The following KCNH1 variants were observed in gnomAD, a reference collection of about 807,000 sequenced individuals.
The protein encoded by KCNH1 is potassium voltage-gated channel subfamily H member 1.
A neutral mutation model predicts 69.2 loss-of-function variants in KCNH1; 27 were observed. The ratio of observed to expected loss-of-function variants is 0.39; its 90% CI spans 0.29 to 0.54. The LOEUF (loss-of-function observed/expected upper bound fraction) is 0.54, where lower values mean the gene tolerates loss of function less well. Among genes scored for constraint, KCNH1 ranks in the 20% least tolerant of loss-of-function variants. The probability of loss-of-function intolerance (pLI) is 0.68; values close to 1 mark genes in which losing one functional copy is unlikely to be tolerated. For synonymous variants in KCNH1, 456 were observed against 487.7 expected, an observed-to-expected ratio of 0.93 and a Z score of 0.86; for missense variants, 798 against 1,261.6, an observed-to-expected ratio of 0.63 and a Z score of 5.57.
intron 10 of KCNH1, among the ~76,000 whole-genome samples, chr1:210,713,601 G>A (rs909410360): frequency 4.6e-5 from 7 of 152,136 alleles, no homozygotes; most frequent in Admixed American, 2.0e-4. Context: ...TTTGTATAGA[G>A]GTGTCAGGGG....
intron 6 of KCNH1, among the ~76,000 whole-genome samples, chr1:210,935,391 G>T (rs7529770): frequency 6.6e-6 from 1 of 151,830 alleles, no homozygotes; most frequent in Non-Finnish European, 1.5e-5. Flanking sequence ...GGGAGAGTTC[G>T]GTTATTGGAT....
chr1:211,116,585 C>T (rs12029450), intron 1 of KCNH1, among the ~76,000 whole-genome samples: 1 of 152,130 alleles, frequency 6.6e-6, no homozygotes, highest in East Asian at 1.9e-4. Flanking sequence ...TTTTCATCCC[C>T]ATCACTTTTA....
At chr1:211,022,479 T>C (rs1689604102) in intron 5 of KCNH1, among the ~76,000 whole-genome samples, 1 of 152,096 alleles carries the variant, frequency 6.6e-6, no homozygotes, top group Admixed American at 6.5e-5. Flanking sequence ...CAAATAGGAT[T>C]ATATCAAGCT....
intron 10 of KCNH1, among the ~76,000 whole-genome samples, chr1:210,736,546 C>G (rs527949259): frequency 2.0e-5 from 3 of 151,168 alleles, no homozygotes; most frequent in Admixed American, 2.0e-4. Context: ...TCCATCCCCC[C>G]TCCAAAAAAA....
intron 10 of KCNH1, among the ~76,000 whole-genome samples, chr1:210,758,253 T>A (rs1683440851): frequency 1.3e-5 from 2 of 152,014 alleles, no homozygotes; most frequent in African/African-American, 4.8e-5. Flanking sequence ...GAGATTGGAG[T>A]GCTTGCTCTG....
intron 6 of KCNH1, among the ~76,000 whole-genome samples, chr1:210,927,973 C>T (rs1687607167): frequency 6.6e-6 from 1 of 151,802 alleles, no homozygotes; most frequent in African/African-American, 2.4e-5. Flanking sequence ...AAGGGGGCAC[C>T]ACATAATGAT....
chr1:211,088,625 C>T (rs891809613), intron 4 of KCNH1, among the ~76,000 whole-genome samples: 3 of 152,214 alleles, frequency 2.0e-5, no homozygotes, highest in African/African-American at 7.2e-5. Context: ...ACTTATAAAG[C>T]CATGTCTTTC....
chr1:210,902,130 A>G (rs1687008699), intron 7 of KCNH1, among the ~76,000 whole-genome samples: 1 of 152,118 alleles, frequency 6.6e-6, no homozygotes, highest in African/African-American at 2.4e-5. Flanking sequence ...GAGGGGAGGG[A>G]AGAGGAGAGG....
At chr1:210,933,005 C>T (rs1687704243) in intron 6 of KCNH1, among the ~76,000 whole-genome samples, 2 of 152,184 alleles carry the variant, frequency 1.3e-5, no homozygotes, top group Non-Finnish European at 1.5e-5. Flanking sequence ...AACTGTACTA[C>T]AGACGTCATA....
Position 211,116,763 on chromosome 1 carries a change from A to T in KCNH1, c.80-9386T>A, listed in dbSNP as rs371022421. On this transcript the variant is annotated intron_variant, in intron 1 of 10. Coordinates refer to ENST00000271751, the MANE Select transcript of KCNH1 (RefSeq NM_172362.3). ...ACTCAGAACCTATAATACTTGTGAC[A>T]GGCCCTGCCAGACCTGTGCTCAACT... Among the ~76,000 whole-genome samples, 191 of 152,308 alleles carry T rather than the reference A, an allele frequency of 1.3e-3. 1 individual carries two copies. The highest frequency in any genetic ancestry group is 4.0e-3 in the African/African-American group (167 of 41,574).
intron 6 of KCNH1, among the ~76,000 whole-genome samples, chr1:211,013,393 G>C (rs1026868017): frequency 6.6e-6 from 1 of 152,184 alleles, no homozygotes; most frequent in African/African-American, 2.4e-5. Flanking sequence ...GTGACCTCAG[G>C]TTAGGGCCAC....
At chr1:210,926,264 A>AACAC (rs141650911) in intron 6 of KCNH1, among the ~76,000 whole-genome samples, 5,814 of 148,886 alleles carry the variant, frequency 0.039, 213 homozygotes, top group South Asian at 0.12. Context: ...ACTCCATCTA[A>AACAC]ACACACACAC....
intron 9 of KCNH1, among the ~76,000 whole-genome samples, chr1:210,780,061 GT>G (rs763046274): frequency 2.6e-5 from 4 of 152,216 alleles, no homozygotes; most frequent in Admixed American, 6.5e-5. Flanking sequence ...CTGAAGGTGG[GT>G]GGGTAGGGTG....
intron 6 of KCNH1, among the ~76,000 whole-genome samples, chr1:211,017,446 C>A (rs1199253549): frequency 1.3e-5 from 2 of 152,138 alleles, no homozygotes; most frequent in Admixed American, 1.3e-4. Flanking sequence ...ATTACCCACA[C>A]AACCCAGCTA....
chr1:211,076,098 G>A (rs1485178186), intron 5 of KCNH1, among the ~76,000 whole-genome samples: 1 of 152,244 alleles, frequency 6.6e-6, no homozygotes, highest in African/African-American at 2.4e-5. Context: ...ACTGGGCAGA[G>A]CCCACCACAG....
intron 3 of KCNH1, among the ~76,000 whole-genome samples, chr1:211,098,116 A>G (rs1218435387): frequency 1.3e-5 from 2 of 151,952 alleles, no homozygotes; most frequent in Non-Finnish European, 2.9e-5. Flanking sequence ...TAAGGAGGTG[A>G]AGACCAGCCT....
At chr1:210,951,881 G>T (rs1420893244) in intron 6 of KCNH1, among the ~76,000 whole-genome samples, 1 of 152,030 alleles carries the variant, frequency 6.6e-6, no homozygotes, top group Non-Finnish European at 1.5e-5. Context: ...TTTCTAGAAC[G>T]TTCTCCTTAC....
chr1:210,890,801 C>T (rs1294408076), intron 7 of KCNH1, among the ~76,000 whole-genome samples: 3 of 152,188 alleles, frequency 2.0e-5, no homozygotes, highest in Non-Finnish European at 4.4e-5. Flanking sequence ...AGTTCATCAT[C>T]AGTGGTCACT....
chr1:211,029,856 G>A (rs1689750860), intron 5 of KCNH1, among the ~76,000 whole-genome samples: 1 of 152,088 alleles, frequency 6.6e-6, no homozygotes, highest in East Asian at 1.9e-4. Flanking sequence ...TGTGATACAA[G>A]ATACACATAT....
Sources: allele counts gnomAD v4.1 joint callset (sites outside exome capture counted in the v4.1 genomes callset), GRCh38; gene constraint gnomAD v4.1.1; transcripts MANE v1.5; gene names NCBI Gene and HGNC (gene_info 2026-07-23, HGNC 2026-07-21).